ANKRD30BL: variants seen among roughly 807,000 people sequenced by gnomAD.
The protein encoded by ANKRD30BL is ankyrin repeat domain 30B like, also known as putative ankyrin repeat domain-containing protein 30B-like.
A neutral mutation model predicts 18.4 loss-of-function variants in ANKRD30BL; 20 were observed. That is an observed-to-expected ratio of 1.09 (90% CI 0.77 to 1.58). ANKRD30BL has a LOEUF of 1.58. Ranked by LOEUF, ANKRD30BL falls within the 40% of genes most tolerant of loss-of-function variation. The probability of loss-of-function intolerance (pLI) is 0.00; values close to 1 mark genes in which losing one functional copy is unlikely to be tolerated. For missense variants in ANKRD30BL, 224 were observed against 268.6 expected, an observed-to-expected ratio of 0.83 and a Z score of 1.16; for synonymous variants, 72 against 100.9, an observed-to-expected ratio of 0.71 and a Z score of 1.72.
At chr2:132,224,000 T>A (rs1393329132) in intron 1 of ANKRD30BL, among the ~76,000 whole-genome samples, 4 of 152,152 alleles carry the variant, frequency 2.6e-5, no homozygotes, top group Non-Finnish European at 4.4e-5. Flanking sequence ...CTCAGAAACT[T>A]CTTTGTGATG....
rs1203700939 is a variant in ANKRD30BL at position 132,161,350 on chromosome 2, C to G, written c.218+138G>C. ...GGAAGAAGGCCAAGACCTCGGGGCC[C>G]AGGACGGCCGCCCCGCTGCCCGCCA... On this transcript the variant is annotated intron_variant, in intron 1 of 5. Coordinates refer to ENST00000409867, the MANE Select transcript of ANKRD30BL (RefSeq NM_001358416.1). 6.9e-6 allele frequency: 6 copies of G among 866,124 alleles called. No homozygotes were observed. In the East Asian group the frequency reaches 1.6e-4, roughly 24 times the overall value. 53.7% of individuals were successfully genotyped at this position (866,124 alleles called of 1,614,324 possible).
chr2:132,183,609 G>A (rs888372451), intron 1 of ANKRD30BL, among the ~76,000 whole-genome samples: 2 of 152,054 alleles, frequency 1.3e-5, no homozygotes, highest in Non-Finnish European at 2.9e-5. Context: ...ATGGTAGGGT[G>A]GGGTGGAGAA....
intron 1 of ANKRD30BL, among the ~76,000 whole-genome samples, chr2:132,255,651 A>G (rs62165002): frequency 6.6e-6 from 1 of 152,182 alleles, no homozygotes; most frequent in Non-Finnish European, 1.5e-5. Context: ...TACAGGGCCT[A>G]GAAAGAGTCC....
At chr2:132,248,525 A>G (rs1008239231) in intron 1 of ANKRD30BL, among the ~76,000 whole-genome samples, 5 of 151,940 alleles carry the variant, frequency 3.3e-5, no homozygotes, top group Admixed American at 2.6e-4. Flanking sequence ...AAACTTCTCA[A>G]TCAAAAGAAT....
chr2:132,176,983 C>T (rs542745270), intron 1 of ANKRD30BL, among the ~76,000 whole-genome samples: 6 of 152,116 alleles, frequency 3.9e-5, no homozygotes, highest in African/African-American at 1.4e-4. Context: ...TTACCTTAAC[C>T]AAAACTAAAT....
At chr2:132,172,338 G>A (rs1277563461) in intron 1 of ANKRD30BL, among the ~76,000 whole-genome samples, 4 of 152,162 alleles carry the variant, frequency 2.6e-5, no homozygotes, top group African/African-American at 9.6e-5. Context: ...ATTCCCACCA[G>A]CAATGCACAA....
chr2:132,240,994 T>C (rs10201322), intron 1 of ANKRD30BL, among the ~76,000 whole-genome samples: 16,699 of 131,820 alleles, frequency 0.13, 3,017 homozygotes, highest in African/African-American at 0.41. Flanking sequence ...TCTTTGGAAA[T>C]GGGAATATCT....
chr2:132,161,763 C>A lies in ANKRD30BL; in HGVS notation c.-58G>T. Reference sequence around the variant, plus strand: ...CTCCCGCTGCTCGCCCTTCCCCAGTCCCCGCCGCTCGCCCTCGCCCTTCTT... The same window carrying A: ...CTCCCGCTGCTCGCCCTTCCCCAGTACCCGCCGCTCGCCCTCGCCCTTCTT... On this transcript the variant is annotated 5_prime_UTR_variant, in exon 1 of 6. Transcript: ENST00000409867. 1.3e-6 allele frequency: 1 copy of A among 777,798 alleles called. No homozygotes were observed. The allele number at this position is 777,798 out of a possible 1,614,324, so 48.2% of individuals were successfully genotyped here. A position where few individuals can be genotyped will look rare whatever the true frequency, so the allele number is the denominator to read the frequency against.
intron 4 of ANKRD30BL, chr2:132,152,258 C>T (rs554559108): frequency 4.2e-4 from 64 of 152,294 alleles, no homozygotes; most frequent in Admixed American, 4.1e-3. Flanking sequence ...TATGCAACAC[C>T]TTACAGATTT....
intron 1 of ANKRD30BL, among the ~76,000 whole-genome samples, chr2:132,196,294 C>A (rs1678968971): frequency 6.6e-6 from 1 of 152,030 alleles, no homozygotes; most frequent in South Asian, 2.1e-4. Context: ...ACCTGGCCAA[C>A]ATGGCGAAAC....
At chr2:132,228,581 T>C (rs200888553) in intron 1 of ANKRD30BL, among the ~76,000 whole-genome samples, 3 of 151,420 alleles carry the variant, frequency 2.0e-5, no homozygotes, top group African/African-American at 4.9e-5. Context: ...TTGAGGCCTA[T>C]GGTGGAAAAG....
intron 1 of ANKRD30BL, among the ~76,000 whole-genome samples, chr2:132,253,776 C>A (rs1680736260): frequency 6.6e-6 from 1 of 151,788 alleles, no homozygotes; most frequent in African/African-American, 2.4e-5. Flanking sequence ...CCAGAATGCG[C>A]TAGGTACCTG....
chr2:132,153,179 A>G (rs532262940), intron 4 of ANKRD30BL, among the ~76,000 whole-genome samples: 1 of 152,296 alleles, frequency 6.6e-6, no homozygotes, highest in Admixed American at 6.5e-5. Context: ...TCTGACTTGT[A>G]CAAAAGGAAT....
chr2:132,149,375 T>C (rs1335869727), intron 5 of ANKRD30BL, among the ~76,000 whole-genome samples: 1 of 152,214 alleles, frequency 6.6e-6, no homozygotes, highest in African/African-American at 2.4e-5. Flanking sequence ...CATCTTGTTC[T>C]AATGAAGTAA....
At chr2:132,163,680 T>C (rs1688132212), upstream of ANKRD30BL, among the ~76,000 whole-genome samples, 2 of 152,166 alleles carry the variant, frequency 1.3e-5, no homozygotes, top group Non-Finnish European at 2.9e-5. Flanking sequence ...TGGGTGACCA[T>C]GTTCTTGCCT....
rs1688305984 is a variant in ANKRD30BL at position 132,172,853 on chromosome 2, G to A, written n.442-15707C>T. Among the ~76,000 whole-genome samples, 5 of 152,084 alleles carry A rather than the reference G, an allele frequency of 3.3e-5. No homozygotes were observed. In the South Asian group the frequency reaches 1.0e-3, roughly 32 times the overall value. ...CTCCCAAGTAGCTGGGATTACAGGT[G>A]CACACCACCATGCCCAGCTAATTTT... is the stretch of plus-strand genomic sequence containing the variant. On this transcript the variant is annotated intron_variant and non_coding_transcript_variant, in intron 1 of 4. Transcript: ENST00000470729.
chr2:132,196,863 T>A (rs1252975404), intron 1 of ANKRD30BL, among the ~76,000 whole-genome samples: 2 of 150,372 alleles, frequency 1.3e-5, no homozygotes, highest in African/African-American at 4.9e-5. Context: ...AAAAAAGAAG[T>A]GTAAATGCAA....
At chr2:132,188,095 T>C (rs536757324) in intron 1 of ANKRD30BL, among the ~76,000 whole-genome samples, 17,123 of 152,078 alleles carry the variant, frequency 0.11, 3,225 homozygotes, top group African/African-American at 0.39. Context: ...TAATGTATTT[T>C]TATGCCATAG....
At chr2:132,198,637 T>A (rs1375765704) in intron 1 of ANKRD30BL, among the ~76,000 whole-genome samples, 2 of 149,950 alleles carry the variant, frequency 1.3e-5, no homozygotes, top group Non-Finnish European at 3.0e-5. Context: ...TTTTTTTTTT[T>A]AGACAGTTTT....
Sources: allele counts gnomAD v4.1 joint callset (sites outside exome capture counted in the v4.1 genomes callset), GRCh38; gene constraint gnomAD v4.1.1; transcripts MANE v1.5; gene names NCBI Gene and HGNC (gene_info 2026-07-23, HGNC 2026-07-21).